LGALS4: variants seen among roughly 807,000 people sequenced by gnomAD.
LGALS4 encodes galectin-4.
In LGALS4, 37 loss-of-function variants were observed where a neutral mutation model predicts 39.6. The observed-to-expected ratio is 0.93, with a 90% CI of 0.72 to 1.23. The LOEUF (loss-of-function observed/expected upper bound fraction) is 1.23. Ranked by LOEUF, LGALS4 falls within the 50% of genes most tolerant of loss-of-function variation. The probability of loss-of-function intolerance (pLI) is 0.00; values close to 1 mark genes in which losing one functional copy is unlikely to be tolerated. For synonymous variants in LGALS4, 160 were observed against 165.5 expected (o/e 0.97, Z 0.25); for missense variants, 397 against 433.2 (o/e 0.92, Z 0.74).
intron 1 of LGALS4, 149 bp from the exon 2 acceptor site, chr19:38,812,668 C>T: frequency 5.4e-6 from 5 of 934,110 alleles, no homozygotes; most frequent in South Asian, 4.3e-5. Flanking sequence ...AACAGTTAGA[C>T]GTGGACACAG....
intron 3 of LGALS4, among the ~76,000 whole-genome samples, chr19:38,807,683 A>T (rs1366176657): frequency 2.0e-5 from 3 of 152,104 alleles, no homozygotes. Flanking sequence ...TGTCGAAAAG[A>T]AAAGGGGGAA....
intron 1 of LGALS4, 143 bp from the exon 2 acceptor site, chr19:38,812,662 G>A (rs1971508608): frequency 2.1e-6 from 2 of 942,198 alleles, no homozygotes; most frequent in Non-Finnish European, 3.4e-6. Context: ...AGGGCCAACA[G>A]TTAGACGTGG....
At chr19:38,805,608 G>T (rs1486356367) in intron 4 of LGALS4, among the ~76,000 whole-genome samples, 1 of 152,054 alleles carries the variant, frequency 6.6e-6, no homozygotes, top group Non-Finnish European at 1.5e-5. Context: ...CTCCTGTCCT[G>T]GCCCTGATCC....
At chr19:38,807,920 G>C (rs1239768975) in intron 3 of LGALS4, among the ~76,000 whole-genome samples, 1 of 152,044 alleles carries the variant, frequency 6.6e-6, no homozygotes, top group African/African-American at 2.4e-5. Context: ...CTTGAAGGCA[G>C]CATGCTCCTT....
Position 38,803,892 on chromosome 19 carries a change from G to A in LGALS4, c.478C>T (p.Pro160Ser). ...IGGQPLRPQG[P>S]PMMPPYPGPG... ...ACAGGGTAAGGTGGCATCATCGGGG[G>A]TCCCTGTGGGCACAGAAAGAGAAAG... The change falls in exon 5 of 10, where the codon CCC (proline) becomes TCC (serine). Residue 160 changes from proline (P) to serine (S), a missense_variant. Physicochemically the swap from Pro to Ser is moderately conservative, Grantham distance 74. Transcript: ENST00000307751. 1 of 1,609,054 alleles carries A rather than the reference G, an allele frequency of 6.2e-7. No homozygotes were observed. The highest frequency in any genetic ancestry group is 8.5e-7 in the Non-Finnish European group (1 of 1,177,578).
chr19:38,801,974 AAG>A lies in LGALS4; in HGVS notation c.825+16_825+17del, dbSNP rs989378299. On this transcript the variant is annotated intron_variant, in intron 9 of 9. Coordinates refer to ENST00000307751, the MANE Select transcript of LGALS4 (RefSeq NM_006149.4). ...CTGAGGCCCTGGAAGGAAGTGGGAA[AAG>A]AGAGCTCAGACTCACATCAAAGAAC... is the stretch of plus-strand genomic sequence containing the variant. The A allele has an allele frequency of 1.2e-6, 2 of 1,613,906 alleles. No homozygotes were observed. The highest frequency in any genetic ancestry group is 2.7e-5 in the African/African-American group (2 of 74,934).
At chr19:38,811,053 C>T (rs536963473) in intron 2 of LGALS4, among the ~76,000 whole-genome samples, 7 of 152,112 alleles carry the variant, frequency 4.6e-5, no homozygotes, top group Non-Finnish European at 8.8e-5. Context: ...AGGCATGCGC[C>T]ACCACGCCCT....
chr19:38,812,722 G>A, intron 1 of LGALS4, 120 bp downstream of exon 1: 1 of 1,173,810 alleles, frequency 8.5e-7, no homozygotes, highest in Admixed American at 1.8e-5. Flanking sequence ...GTCGGGGTCA[G>A]CTTTGGGTAA....
intron 2 of LGALS4, among the ~76,000 whole-genome samples, chr19:38,809,977 G>A (rs1333845099): frequency 1.3e-5 from 2 of 151,980 alleles, no homozygotes; most frequent in Admixed American, 6.6e-5. Flanking sequence ...ATCATATTCC[G>A]CACCCCTGGG....
intron 2 of LGALS4, among the ~76,000 whole-genome samples, chr19:38,811,216 T>C (rs1971489972): frequency 6.6e-6 from 1 of 152,074 alleles, no homozygotes; most frequent in South Asian, 2.1e-4. Flanking sequence ...TTATTTTTTA[T>C]GTTTCCCCTA....
Position 38,809,629 on chromosome 19 carries a change from T to C in LGALS4, c.135-681A>G, listed in dbSNP as rs970781096. 1.4e-4 allele frequency among the ~76,000 whole-genome samples: 21 copies of C among 146,342 alleles called. 1 individual carries two copies. The highest frequency in any genetic ancestry group is 2.1e-4 in the East Asian group (1 of 4,866). On this transcript the variant is annotated intron_variant, in intron 2 of 9. Transcript: ENST00000307751. ...CCTAGTAGCTGGGACTACAGGTGCA[T>C]GCCACTATGCCTGGCTTTTTTTTTT...
intron 6 of LGALS4, 67 bp downstream of exon 6, chr19:38,803,675 G>C: frequency 6.3e-7 from 1 of 1,598,480 alleles, no homozygotes; most frequent in South Asian, 1.1e-5. Flanking sequence ...ACCCCTCTTA[G>C]CTCCCCCTAC....
rs762093542 is a variant in LGALS4, at chr19:38,808,965, G to A, written c.135-17C>T. ...ACGAAGAACCTGGCGGGACACAAAG[G>A]GCTCATTCCCCTGGTGCCACCTCCC... On this transcript the variant is annotated splice_polypyrimidine_tract_variant and intron_variant, in intron 2 of 9. Transcript: ENST00000307751. 2 of 1,584,158 alleles carry A rather than the reference G, an allele frequency of 1.3e-6. No homozygotes were observed. Among genetic ancestry groups the A allele is most frequent in the African/African-American group, 1.3e-5 (1 of 74,254 alleles).
Position 38,801,900 on chromosome 19 carries a change from C to A in LGALS4, c.836G>T (p.Arg279Leu). The change falls in exon 10 of 10, where the codon CGC (arginine) becomes CTC (leucine). Residue 279 changes from arginine (R) to leucine (L), a missense_variant. Arg to Leu is a moderately radical substitution (Grantham distance 102). Coordinates refer to ENST00000307751, the MANE Select transcript of LGALS4 (RefSeq NM_006149.4). ...AACCTTGAAGCGATCCAAGCCACAG[C>A]GAATGGACAGCTGCAGGGAGAAGGG... is the stretch of plus-strand genomic sequence containing the variant. ...GPGQFFDLSI[R>L]CGLDRFKVYA... is the part of the protein sequence containing the mutation. The A allele has an allele frequency of 6.2e-7, 1 of 1,614,118 alleles. No individual in the cohort carries two copies. The highest frequency in any genetic ancestry group is 1.1e-5 in the South Asian group (1 of 91,076).
Position 38,802,321 on chromosome 19 carries a change from G to C in LGALS4, c.654C>G (p.Gly218=), listed in dbSNP as rs769690163. 7.4e-6 allele frequency: 12 copies of C among 1,613,902 alleles called. No individual in the cohort carries two copies. Among genetic ancestry groups the C allele is most frequent in the East Asian group, 2.2e-5 (1 of 44,876 alleles). Residue 218 remains glycine, a synonymous_variant, in exon 8 of 10, where the codon GGC becomes GGG. Transcript: ENST00000307751. ...CCACCTAGTTTACGTTATACCTCTT[G>C]CCTGTGGGAGGCACATAGCCCTTGA... ...IIIKGYVPPT[G]KSFAINFKVG... is the part of the protein sequence containing the mutation.
rs57756863 is a variant in LGALS4 at position 38,812,018 on chromosome 19, C to CA, written c.134+412dup. On this transcript the variant is annotated intron_variant, in intron 2 of 9. Transcript: ENST00000307751. ...ACAAGAGCAAAACTCCATCTCAAAA[C>CA]AAAAAAAAAAACAAAAAAAACAAAA... is the stretch of plus-strand genomic sequence containing the variant. 5.4e-3 allele frequency among the ~76,000 whole-genome samples: 748 copies of CA among 139,768 alleles called. 8 individuals carry two copies. Among genetic ancestry groups the CA allele is most frequent in the East Asian group, 0.032 (153 of 4,840 alleles). 91.7% of individuals were successfully genotyped at this position (139,768 alleles called of 152,430 possible).
At chr19:38,804,572 TTCTC>T in intron 4 of LGALS4, among the ~76,000 whole-genome samples, 1 of 152,276 alleles carries the variant, frequency 6.6e-6, no homozygotes, top group South Asian at 2.1e-4. Context: ...CTCTCTCTCT[TTCTC>T]TCTGTTACCT....
At chr19:38,806,202 C>T (rs1388892979) in intron 4 of LGALS4, among the ~76,000 whole-genome samples, 1 of 151,592 alleles carries the variant, frequency 6.6e-6, no homozygotes, top group Non-Finnish European at 1.5e-5. Context: ...CCTGTCTCTA[C>T]TAAAAATACA....
rs374616218 is a variant in LGALS4 at position 38,802,106 on chromosome 19, A to C, written c.711T>G (p.Ile237Met). The change falls in exon 9 of 10, where the codon ATT becomes ATG. Residue 237 changes from isoleucine (I) to methionine (M), a missense_variant. Transcript: ENST00000307751. ...CGGTACCGTTGCCCATGCGGGGATT[A>C]ATGTGCAGAGCTATGTCCCCTGAGG... ...VGSSGDIALHINPRMGNGTVV... is the reference protein window; with the variant it reads ...VGSSGDIALHMNPRMGNGTVV... 1 of 1,614,026 alleles carries C rather than the reference A, an allele frequency of 6.2e-7. No individual in the cohort carries two copies. Among genetic ancestry groups the C allele is most frequent in the African/African-American group, 1.3e-5 (1 of 74,926 alleles).
Sources: gnomAD v4.1 joint callset for allele counts (sites outside exome capture counted in the v4.1 genomes callset) on GRCh38, gnomAD v4.1.1 for gene constraint, MANE v1.5 for transcripts, NCBI Gene and HGNC (gene_info 2026-07-23, HGNC 2026-07-21) for gene names.